The following CCDC171 variants were observed in gnomAD, a reference collection of about 807,000 sequenced individuals.
CCDC171 encodes coiled-coil domain-containing protein 171.
A neutral mutation model predicts 168.2 loss-of-function variants in CCDC171; 177 were observed. The observed-to-expected ratio is 1.05, with a 90% confidence interval of 0.93 to 1.19. The LOEUF (loss-of-function observed/expected upper bound fraction) is 1.19. CCDC171 is among the 50% of genes most tolerant of loss of function. The pLI, the probability that CCDC171 is intolerant of heterozygous loss-of-function variation, is 0.00. For missense variants in CCDC171, 1,991 were observed against 1,539.0 expected, an observed-to-expected ratio of 1.29 and a Z score of -4.91; for synonymous variants, 687 against 540.8, an observed-to-expected ratio of 1.27 and a Z score of -3.75.
At chr9:15,896,059 AC>A (rs1257880057) in intron 24 of CCDC171, among the ~76,000 whole-genome samples, 1 of 151,842 alleles carries the variant, frequency 6.6e-6, no homozygotes, top group East Asian at 1.9e-4. Flanking sequence ...TTTGTAGGAA[AC>A]CATGTTGGTT....
At chr9:15,789,572 G>T (rs1453434294) in intron 21 of CCDC171, among the ~76,000 whole-genome samples, 1 of 152,114 alleles carries the variant, frequency 6.6e-6, no homozygotes, top group Non-Finnish European at 1.5e-5. Context: ...GATCAACGAA[G>T]TAACTGACAC....
chr9:16,106,923 C>A, the CCDC171 span, among the ~76,000 whole-genome samples: 1 of 152,308 alleles, frequency 6.6e-6, no homozygotes, highest in East Asian at 1.9e-4. Flanking sequence ...GCCACCCTCA[C>A]TGCCCTCCTG....
chr9:15,683,283 T>A (rs2050160527), intron 10 of CCDC171, among the ~76,000 whole-genome samples: 1 of 152,140 alleles, frequency 6.6e-6, no homozygotes, highest in Admixed American at 6.5e-5. Flanking sequence ...ATAGTAATGA[T>A]TGCTAGCATT....
chr9:15,960,277 C>T (rs1830216005), intron 25 of CCDC171, among the ~76,000 whole-genome samples: 1 of 152,140 alleles, frequency 6.6e-6, no homozygotes, highest in Non-Finnish European at 1.5e-5. Flanking sequence ...AATAAATAAT[C>T]CCCAAAACAG....
At chr9:15,599,875 C>T (rs1232163355) in intron 6 of CCDC171, among the ~76,000 whole-genome samples, 1 of 152,128 alleles carries the variant, frequency 6.6e-6, no homozygotes, top group Non-Finnish European at 1.5e-5. Flanking sequence ...CTAAACTTCT[C>T]TTCTCACTTC....
intron 4 of CCDC171, among the ~76,000 whole-genome samples, chr9:15,581,711 G>A (rs1587125596): frequency 1.3e-5 from 2 of 152,070 alleles, no homozygotes; most frequent in South Asian, 4.1e-4. Context: ...ATTGTGTTGG[G>A]AAAACTGGCT....
At chr9:15,951,546 GT>G (rs1829178547) in intron 25 of CCDC171, among the ~76,000 whole-genome samples, 1 of 151,882 alleles carries the variant, frequency 6.6e-6, no homozygotes, top group Non-Finnish European at 1.5e-5. Context: ...TTGTTTGCTT[GT>G]TTTTTTAAGT....
intron 10 of CCDC171, among the ~76,000 whole-genome samples, chr9:15,691,006 T>C (rs1028860401): frequency 1.3e-5 from 2 of 152,194 alleles, no homozygotes; most frequent in East Asian, 3.8e-4. Flanking sequence ...TACATTGGTA[T>C]AACTGATTAG....
chr9:15,994,199 ATGATAGAC>A (rs1832297097), intron 3 of CCDC171, among the ~76,000 whole-genome samples: 1 of 152,232 alleles, frequency 6.6e-6, no homozygotes. Flanking sequence ...ATGTCCATCA[ATGATAGAC>A]TGGATTAAGA....
the CCDC171 span, among the ~76,000 whole-genome samples, chr9:16,103,803 A>G: frequency 1.3e-5 from 2 of 152,288 alleles, no homozygotes; most frequent in Non-Finnish European, 2.9e-5. Context: ...CCTGCCCCCC[A>G]GTGATTTACG....
chr9:15,650,001 A>G (rs1042216943), intron 7 of CCDC171, among the ~76,000 whole-genome samples: 2 of 152,156 alleles, frequency 1.3e-5, no homozygotes, highest in African/African-American at 4.8e-5. Flanking sequence ...AACCAACCCA[A>G]ATGTCCAACC....
chr9:15,714,623 T>C (rs1327473541), intron 11 of CCDC171, among the ~76,000 whole-genome samples: 4 of 152,150 alleles, frequency 2.6e-5, no homozygotes, highest in African/African-American at 9.7e-5. Context: ...GTTAGATGGT[T>C]GCATGTTTCT....
chr9:15,661,833 C>G (rs2048346114), intron 8 of CCDC171, among the ~76,000 whole-genome samples: 1 of 152,090 alleles, frequency 6.6e-6, no homozygotes, highest in African/African-American at 2.4e-5. Flanking sequence ...GCAATGTAGA[C>G]AAGAAGAAAA....
chr9:15,688,581 A>T (rs899594745), intron 10 of CCDC171, among the ~76,000 whole-genome samples: 1 of 152,208 alleles, frequency 6.6e-6, no homozygotes, highest in African/African-American at 2.4e-5. Context: ...AAATCAGCTA[A>T]TGTAATAAAT....
intron 23 of CCDC171, among the ~76,000 whole-genome samples, chr9:15,868,747 T>C (rs2061899709): frequency 6.6e-6 from 1 of 152,024 alleles, no homozygotes; most frequent in South Asian, 2.1e-4. Context: ...GCATTATTGT[T>C]TGGCGCTAAG....
At chr9:15,677,590 G>A (rs934263937) in intron 9 of CCDC171, among the ~76,000 whole-genome samples, 12 of 151,660 alleles carry the variant, frequency 7.9e-5, no homozygotes, top group Non-Finnish European at 1.5e-4. Context: ...ATTTAAATTT[G>A]AATTAAAATT....
chr9:15,761,079 C>T (rs7872912), intron 18 of CCDC171, among the ~76,000 whole-genome samples: 66,429 of 151,968 alleles, frequency 0.44, 14,823 homozygotes, highest in Non-Finnish European at 0.47. Context: ...AACAAATGTG[C>T]TGATTTGCTT....
rs554092996 is a variant in CCDC171, at chr9:15,994,654, C to G, written n.369-25935C>G. ...TGTTCTGTTAAGAATTCACACTGCT[C>G]TAGTCCTTCAGTAAGCCCATTGCAC... On this transcript the variant is annotated intron_variant and non_coding_transcript_variant, in intron 3 of 9. Coordinates refer to the CCDC171 transcript ENST00000486641. Among the ~76,000 whole-genome samples the G allele has an allele frequency of 5.3e-5, 8 of 152,318 alleles. No individual in the cohort carries two copies. In the East Asian group the frequency reaches 1.3e-3, roughly 26 times the overall value.
chr9:15,734,573 G>T (rs1276286170), intron 16 of CCDC171, among the ~76,000 whole-genome samples: 1 of 151,704 alleles, frequency 6.6e-6, no homozygotes, highest in African/African-American at 2.4e-5. Flanking sequence ...TAAATAAATA[G>T]GCATATATTC....
Sources: gnomAD v4.1 joint callset for allele counts (sites outside exome capture counted in the v4.1 genomes callset) on GRCh38, gnomAD v4.1.1 for gene constraint, MANE v1.5 for transcripts, NCBI Gene and HGNC (gene_info 2026-07-23, HGNC 2026-07-21) for gene names.